SNTG1: variants seen among roughly 807,000 people sequenced by gnomAD.
The protein encoded by SNTG1 is gamma-1-syntrophin.
SNTG1 carries 39 observed loss-of-function variants against 74.7 expected under a neutral mutation model. The ratio of observed to expected loss-of-function variants is 0.52; its 90% CI spans 0.40 to 0.68. The LOEUF (loss-of-function observed/expected upper bound fraction) is 0.68, where lower values mean the gene tolerates loss of function less well. Among genes scored for constraint, SNTG1 ranks in the 30% least tolerant of loss-of-function variants. The pLI is 0.00. For missense variants in SNTG1, 685 were observed against 609.5 expected, an observed-to-expected ratio of 1.12 and a Z score of -1.30; for synonymous variants, 254 against 217.1, an observed-to-expected ratio of 1.17 and a Z score of -1.49.
chr8:50,754,557 A>G (rs1013192665), intron 18 of SNTG1, among the ~76,000 whole-genome samples: 3 of 151,894 alleles, frequency 2.0e-5, no homozygotes, highest in African/African-American at 7.2e-5. Context: ...GTTAGATTAT[A>G]ATTTTTTGGT....
At chr8:49,910,076 A>G (rs1365173676), upstream of SNTG1, among the ~76,000 whole-genome samples, 4 of 152,182 alleles carry the variant, frequency 2.6e-5, no homozygotes, top group East Asian at 7.8e-4. Flanking sequence ...GGGAGGGAAG[A>G]TCCCCTACCT....
intron 1 of SNTG1, among the ~76,000 whole-genome samples, chr8:50,111,965 A>G (rs2080610195): frequency 1.3e-5 from 2 of 152,182 alleles, no homozygotes; most frequent in African/African-American, 4.8e-5. Context: ...AATATAAGTA[A>G]CTTTATGGCA....
intron 2 of SNTG1, among the ~76,000 whole-genome samples, chr8:50,184,818 A>T (rs2083324541): frequency 1.3e-5 from 2 of 152,220 alleles, no homozygotes; most frequent in African/African-American, 4.8e-5. Context: ...TGAGGAAAAA[A>T]AATTAAAATG....
chr8:50,644,587 C>T (rs1314762474), intron 13 of SNTG1: 1 of 152,122 alleles, frequency 6.6e-6, no homozygotes, highest in African/African-American at 2.4e-5. Context: ...TTCAGTTAGG[C>T]TTCCAGTCGA....
At chr8:50,759,656 C>T (rs537655278) in intron 18 of SNTG1, among the ~76,000 whole-genome samples, 1 of 151,698 alleles carries the variant, frequency 6.6e-6, no homozygotes, top group African/African-American at 2.4e-5. Context: ...CATTCTGTTC[C>T]ATTGATATAT....
intron 8 of SNTG1, among the ~76,000 whole-genome samples, chr8:50,494,059 T>C (rs1310974371): frequency 6.6e-6 from 1 of 151,594 alleles, no homozygotes; most frequent in African/African-American, 2.4e-5. Flanking sequence ...TGCTGCTCAA[T>C]TTGACCAAAC....
intron 1 of SNTG1, among the ~76,000 whole-genome samples, chr8:50,006,772 G>A (rs1237660544): frequency 6.6e-6 from 1 of 152,132 alleles, no homozygotes; most frequent in Non-Finnish European, 1.5e-5. Context: ...CACTAATTAG[G>A]AAAGGGATCC....
intron 13 of SNTG1, among the ~76,000 whole-genome samples, chr8:50,624,332 T>A (rs1037282347): frequency 6.0e-5 from 8 of 133,318 alleles, no homozygotes; most frequent in East Asian, 5.9e-4. Flanking sequence ...AAAAAAAAAA[T>A]TATATTTTTT....
chr8:49,928,287 G>A (rs1807229215), intron 1 of SNTG1, among the ~76,000 whole-genome samples: 1 of 151,460 alleles, frequency 6.6e-6, no homozygotes. Flanking sequence ...GAGTGCAGTG[G>A]TGTGATATCA....
At chr8:50,552,876 A>T (rs975499691) in intron 11 of SNTG1, among the ~76,000 whole-genome samples, 174 bp from the exon 12 acceptor site, 1 of 152,192 alleles carries the variant, frequency 6.6e-6, no homozygotes, top group Non-Finnish European at 1.5e-5. Context: ...ATTTGGGTCT[A>T]TCTTCAGTGT....
chr8:50,152,578 A>T (rs1005749601), intron 1 of SNTG1, among the ~76,000 whole-genome samples: 1 of 152,160 alleles, frequency 6.6e-6, no homozygotes, highest in Non-Finnish European at 1.5e-5. Flanking sequence ...TGCTTCCTTC[A>T]GGAGCTCTTT....
At chr8:50,417,377 G>T (rs1442862084) in intron 4 of SNTG1, among the ~76,000 whole-genome samples, 1 of 152,012 alleles carries the variant, frequency 6.6e-6, no homozygotes, top group South Asian at 2.1e-4. Context: ...CTATCAAAAG[G>T]CACCTATGTG....
intron 3 of SNTG1, among the ~76,000 whole-genome samples, chr8:50,396,956 G>T (rs1419236044): frequency 6.6e-6 from 1 of 152,142 alleles, no homozygotes; most frequent in Non-Finnish European, 1.5e-5. Context: ...TTCTTGATTT[G>T]CAGAAAGCAT....
intron 2 of SNTG1, among the ~76,000 whole-genome samples, chr8:50,350,309 A>G (rs1219512920): frequency 1.3e-5 from 2 of 152,142 alleles, no homozygotes; most frequent in African/African-American, 4.8e-5. Context: ...GTGTGGGCGC[A>G]CTGCAGGGGA....
chr8:50,291,223 AAG>A (rs889302513), intron 2 of SNTG1, among the ~76,000 whole-genome samples: 1 of 136,438 alleles, frequency 7.3e-6, no homozygotes, highest in Non-Finnish European at 1.6e-5. Flanking sequence ...GTTTATATAT[AAG>A]AGAGAGAGAC....
intron 15 of SNTG1, among the ~76,000 whole-genome samples, chr8:50,667,592 ATCTAAT>A (rs891510438): frequency 2.0e-5 from 3 of 151,980 alleles, no homozygotes; most frequent in Non-Finnish European, 2.9e-5. Flanking sequence ...TGATGACCTT[ATCTAAT>A]TCTAATTGGC....
chr8:50,116,355 A>G (rs2080820682), intron 1 of SNTG1, among the ~76,000 whole-genome samples: 1 of 152,076 alleles, frequency 6.6e-6, no homozygotes, highest in South Asian at 2.1e-4. Context: ...TCAGCATAAA[A>G]TTTGTCTTTC....
At chr8:50,345,045 C>A (rs1210814695) in intron 2 of SNTG1, among the ~76,000 whole-genome samples, 1 of 152,164 alleles carries the variant, frequency 6.6e-6, no homozygotes, top group Non-Finnish European at 1.5e-5. Context: ...GAAACCAGAC[C>A]TGCTGATACC....
chr8:50,309,898 A>G (rs1450019070), intron 2 of SNTG1, among the ~76,000 whole-genome samples: 1 of 152,242 alleles, frequency 6.6e-6, no homozygotes, highest in Non-Finnish European at 1.5e-5. Flanking sequence ...TGTCCAAAAA[A>G]TATTGGACTG....
Sources: gnomAD v4.1 joint callset for allele counts (sites outside exome capture counted in the v4.1 genomes callset) on GRCh38, gnomAD v4.1.1 for gene constraint, MANE v1.5 for transcripts, NCBI Gene and HGNC (gene_info 2026-07-23, HGNC 2026-07-21) for gene names.